Variants in RBFOX1 observed in about 807,000 individuals in gnomAD.
RBFOX1 encodes RNA binding fox-1 homolog 1, also known as RNA binding protein fox-1 homolog 1.
RBFOX1 carries 8 observed loss-of-function variants against 57.7 expected under a neutral mutation model. That is an observed-to-expected ratio of 0.14 (90% confidence interval 0.08 to 0.25). The LOEUF (loss-of-function observed/expected upper bound fraction) is 0.25, where lower values mean the gene tolerates loss of function less well. RBFOX1 is among the 10% of genes least tolerant of loss of function. The pLI is 1.00. For synonymous variants in RBFOX1, 326 were observed against 222.4 expected (o/e 1.47, Z -4.15); for missense variants, 611 against 548.5 (o/e 1.11, Z -1.14).
At chr16:5,477,070 G>A (rs2151634417) in intron 2 of RBFOX1, among the ~76,000 whole-genome samples, 1 of 152,290 alleles carries the variant, frequency 6.6e-6, no homozygotes, top group African/African-American at 2.4e-5. Context: ...CTGGAGTGTG[G>A]TGGTACAATG....
intron 3 of RBFOX1, among the ~76,000 whole-genome samples, chr16:5,640,147 G>A (rs1460292374): frequency 6.6e-6 from 1 of 152,162 alleles, no homozygotes; most frequent in Non-Finnish European, 1.5e-5. Flanking sequence ...ACCCAGGCGT[G>A]TGACTGGGGC....
chr16:6,655,202 C>G (rs533598282), intron 3 of RBFOX1, among the ~76,000 whole-genome samples: 4 of 151,104 alleles, frequency 2.6e-5, no homozygotes, highest in African/African-American at 9.7e-5. Flanking sequence ...GGGGAAACCC[C>G]GTATCTACTA....
chr16:6,880,040 A>G (rs566357927), intron 3 of RBFOX1, among the ~76,000 whole-genome samples: 10 of 152,286 alleles, frequency 6.6e-5, no homozygotes, highest in Middle Eastern at 3.4e-3. Flanking sequence ...TCCTCCATCC[A>G]TGCAAGTAAA....
chr16:6,018,914 C>G (rs922723456), upstream of RBFOX1, among the ~76,000 whole-genome samples: 2 of 151,892 alleles, frequency 1.3e-5, no homozygotes, highest in Non-Finnish European at 2.9e-5. Flanking sequence ...ACCAGGGTAC[C>G]GGGTCGCGTG....
chr16:6,808,780 T>A (rs1227052151), intron 3 of RBFOX1, among the ~76,000 whole-genome samples: 1 of 152,182 alleles, frequency 6.6e-6, no homozygotes, highest in Non-Finnish European at 1.5e-5. Context: ...GTATTAACTG[T>A]ATCTGTGTCT....
intron 3 of RBFOX1, among the ~76,000 whole-genome samples, chr16:6,656,342 T>C (rs970397481): frequency 2.0e-5 from 3 of 152,156 alleles, no homozygotes; most frequent in African/African-American, 7.2e-5. Flanking sequence ...GCTTGAAAGA[T>C]AACATAGGAA....
chr16:7,450,267 G>A (rs889946535), intron 4 of RBFOX1, among the ~76,000 whole-genome samples: 7 of 151,758 alleles, frequency 4.6e-5, no homozygotes, highest in African/African-American at 9.7e-5. Flanking sequence ...GGTGACATAC[G>A]CCTGTAATCC....
intron 5 of RBFOX1, among the ~76,000 whole-genome samples, chr16:7,541,010 A>G (rs1254370884): frequency 1.3e-5 from 2 of 152,188 alleles, no homozygotes; most frequent in African/African-American, 4.8e-5. Context: ...AGTGAGAGAC[A>G]CATTAGATAC....
chr16:6,914,700 C>G (rs920528588), intron 3 of RBFOX1, among the ~76,000 whole-genome samples: 13 of 152,158 alleles, frequency 8.5e-5, no homozygotes, highest in Non-Finnish European at 1.5e-4. Context: ...ATAGCAAGAT[C>G]CCATCTGTAC....
intron 2 of RBFOX1, among the ~76,000 whole-genome samples, chr16:5,474,390 A>G (rs1294105344): frequency 1.3e-5 from 2 of 152,088 alleles, no homozygotes; most frequent in Non-Finnish European, 1.5e-5. Flanking sequence ...GCGATGGCTC[A>G]CTCCTGTGAT....
intron 4 of RBFOX1, among the ~76,000 whole-genome samples, chr16:7,380,204 A>G (rs939195934): frequency 4.6e-5 from 7 of 152,188 alleles, no homozygotes; most frequent in African/African-American, 1.7e-4. Context: ...ACTATATCAC[A>G]TCATGATTTT....
At chr16:6,169,057 T>C (rs2096939209) in intron 1 of RBFOX1, among the ~76,000 whole-genome samples, 1 of 152,154 alleles carries the variant, frequency 6.6e-6, no homozygotes, top group African/African-American at 2.4e-5. Context: ...ATAAACCATG[T>C]TTATCACTTC....
At chr16:6,258,647 C>T (rs747959883) in intron 1 of RBFOX1, among the ~76,000 whole-genome samples, 1 of 152,188 alleles carries the variant, frequency 6.6e-6, no homozygotes, top group Non-Finnish European at 1.5e-5. Context: ...GCAATATTTT[C>T]TGCATTTCAC....
chr16:7,270,345 T>C (rs918048189), intron 4 of RBFOX1, among the ~76,000 whole-genome samples: 6 of 152,216 alleles, frequency 3.9e-5, no homozygotes, highest in Non-Finnish European at 8.8e-5. Context: ...TTACTTGTTA[T>C]TTCAGATAAG....
chr16:5,657,695 TC>T (rs2049490648), intron 3 of RBFOX1, among the ~76,000 whole-genome samples: 1 of 141,102 alleles, frequency 7.1e-6, no homozygotes, highest in African/African-American at 2.7e-5. Context: ...TTTCTTTCTT[TC>T]TCCTTCTGTC....
At chr16:5,439,107 T>C (rs1264715389) in intron 1 of RBFOX1, among the ~76,000 whole-genome samples, 2 of 151,846 alleles carry the variant, frequency 1.3e-5, no homozygotes, top group East Asian at 3.9e-4. Flanking sequence ...ACTTGTATCT[T>C]GGGAAGAAGC....
At chr16:7,603,894 G>A (rs761636553) in intron 9 of RBFOX1, among the ~76,000 whole-genome samples, 2 of 152,118 alleles carry the variant, frequency 1.3e-5, no homozygotes, top group Non-Finnish European at 2.9e-5. Context: ...TAAAAAAATT[G>A]CTTTGGTCAC....
At chr16:6,865,068 T>A (rs1401343554) in intron 3 of RBFOX1, among the ~76,000 whole-genome samples, 1 of 139,272 alleles carries the variant, frequency 7.2e-6, no homozygotes, top group Non-Finnish European at 1.5e-5. Context: ...AGTGGCGCGA[T>A]CTTGGCTCAC....
chr16:7,439,028 C>G (rs2098744759), intron 4 of RBFOX1, among the ~76,000 whole-genome samples: 1 of 152,182 alleles, frequency 6.6e-6, no homozygotes, highest in African/African-American at 2.4e-5. Flanking sequence ...CAGAGTTCAG[C>G]GGAAACCACC....
Sources: gnomAD v4.1 joint callset for allele counts (sites outside exome capture counted in the v4.1 genomes callset) on GRCh38, gnomAD v4.1.1 for gene constraint, MANE v1.5 for transcripts, NCBI Gene and HGNC (gene_info 2026-07-23, HGNC 2026-07-21) for gene names.